The following ARHGAP39 variants were observed in gnomAD, a reference collection of about 807,000 sequenced individuals.
The protein encoded by ARHGAP39 is Rho GTPase activating protein 39.
In ARHGAP39, 44 loss-of-function variants were observed where a neutral mutation model predicts 106.9. That is an observed-to-expected ratio of 0.41 (90% confidence interval 0.32 to 0.53). The LOEUF (loss-of-function observed/expected upper bound fraction) is 0.53, where lower values mean the gene tolerates loss of function less well. Ranked by LOEUF, ARHGAP39 falls within the 20% of genes least tolerant of loss-of-function variation. ARHGAP39 has a pLI of 0.21. For missense variants in ARHGAP39, 1,496 were observed against 1,577.3 expected (o/e 0.95, Z 0.87); for synonymous variants, 768 against 693.2 (o/e 1.11, Z -1.69).
chr8:144,594,129 G>A (rs1263469345), intron 2 of ARHGAP39, among the ~76,000 whole-genome samples: 1 of 146,470 alleles, frequency 6.8e-6, no homozygotes, highest in Non-Finnish European at 1.5e-5. Context: ...CCAGTTTAAA[G>A]ATGGGCAAAA....
chr8:144,646,352 G>A lies in ARHGAP39; in HGVS notation c.-82+39334C>T, dbSNP rs766203130. On this transcript the variant is annotated intron_variant, in intron 1 of 11. Coordinates refer to ENST00000377307, the MANE Select transcript of ARHGAP39 (RefSeq NM_025251.3). This position sits in a 1 kb window ranked among gnomAD's most constrained non-coding sequence, Gnocchi z 5.7. ...GGTACTGGGAGTTGGCAGGAACAGAGAGCGGGAGGGGAGGGAGTGAAACTT... is the reference window on the plus strand; with the variant it reads ...GGTACTGGGAGTTGGCAGGAACAGAAAGCGGGAGGGGAGGGAGTGAAACTT... Among the ~76,000 whole-genome samples, 1 of 152,218 alleles carries A rather than the reference G, an allele frequency of 6.6e-6. No homozygotes were observed. The highest frequency in any genetic ancestry group is 1.5e-5 in the Non-Finnish European group (1 of 68,042).
At chr8:144,620,796 G>A (rs570010256) in intron 1 of ARHGAP39, among the ~76,000 whole-genome samples, 9 of 152,404 alleles carry the variant, frequency 5.9e-5, no homozygotes, top group Non-Finnish European at 1.3e-4. Flanking sequence ...CTACGTGTGA[G>A]AAGATGCTGG....
chr8:144,547,034 G>T lies in ARHGAP39; in HGVS notation c.1959+93C>A. 1.4e-6 allele frequency: 2 copies of T among 1,412,984 alleles called. No individual in the cohort carries two copies. The highest frequency in any genetic ancestry group is 1.9e-6 in the Non-Finnish European group (2 of 1,068,546). The allele number at this position is 1,412,984 out of a possible 1,614,324, so 87.5% of individuals were successfully genotyped here. On this transcript the variant is annotated intron_variant, in intron 5 of 11. Transcript: ENST00000377307. The surrounding 1 kb of genome is among the most constrained non-coding windows in gnomAD (Gnocchi z 5.2). ...ACTCTGCGTGCTGCGTGCACGCCCTGGACGCCAGGTCTCCTGTGCCTGGCC... is the reference window on the plus strand; with the variant it reads ...ACTCTGCGTGCTGCGTGCACGCCCTTGACGCCAGGTCTCCTGTGCCTGGCC...
At chr8:144,595,940 TCTATC>T (rs1819604391) in intron 2 of ARHGAP39, among the ~76,000 whole-genome samples, 1 of 152,110 alleles carries the variant, frequency 6.6e-6, no homozygotes, top group Non-Finnish European at 1.5e-5. Flanking sequence ...TGCTCCTCTT[TCTATC>T]CTTATAGTTC....
intron 4 of ARHGAP39, among the ~76,000 whole-genome samples, chr8:144,550,279 A>AAAGTAAAT (rs1166542415): frequency 6.6e-6 from 1 of 152,022 alleles, no homozygotes; most frequent in Non-Finnish European, 1.5e-5. Context: ...TGTCTAAAAA[A>AAAGTAAAT]AAGTAAATAA....
At chr8:144,629,321 G>A (rs963652701) in intron 1 of ARHGAP39, among the ~76,000 whole-genome samples, 2 of 152,194 alleles carry the variant, frequency 1.3e-5, no homozygotes, top group African/African-American at 2.4e-5. Flanking sequence ...AGGCTCTAGC[G>A]GGCCGAAGGC....
rs779367339 is a variant in ARHGAP39, at chr8:144,548,154, G to A, written c.932C>T (p.Pro311Leu). ...PSSPRYGYEPPLYEEPPVEYQ... is the reference protein window; with the variant it reads ...PSSPRYGYEPLLYEEPPVEYQ... ...CTCCACTGGGGGCTCCTCGTAGAGC[G>A]GGGGTTCATAGCCATAGCGCGGGGA... is the stretch of plus-strand genomic sequence containing the variant. Residue 311 changes from proline to leucine, a missense_variant, in exon 5 of 12, where the codon CCG becomes CTG. Pro to Leu is a moderately conservative substitution (Grantham distance 98). Transcript: ENST00000377307. This position sits in a 1 kb window ranked among gnomAD's most constrained non-coding sequence, Gnocchi z 7.4. 2 of 1,572,778 alleles carry A rather than the reference G, an allele frequency of 1.3e-6. No individual in the cohort carries two copies. Among genetic ancestry groups the A allele is most frequent in the East Asian group, 2.3e-5 (1 of 44,342 alleles).
rs1199590105 is a variant in ARHGAP39, at chr8:144,645,433, C to G, written c.-81-39738G>C. ...CTCCCGGCAGAGTCACTGATGGACTCCGTCAGGGCAGAGCCTCCCCGCCTC... is the reference window on the plus strand; with the variant it reads ...CTCCCGGCAGAGTCACTGATGGACTGCGTCAGGGCAGAGCCTCCCCGCCTC... On this transcript the variant is annotated intron_variant, in intron 1 of 11. Transcript: ENST00000377307. This position sits in a 1 kb window ranked among gnomAD's most constrained non-coding sequence, Gnocchi z 4.4. 6.6e-6 allele frequency among the ~76,000 whole-genome samples: 1 copy of G among 150,830 alleles called. No homozygotes were observed. Among genetic ancestry groups the G allele is most frequent in the Non-Finnish European group, 1.5e-5 (1 of 67,592 alleles).
the ARHGAP39 span, among the ~76,000 whole-genome samples, chr8:144,699,535 T>A: frequency 5.2e-5 from 5 of 95,592 alleles, no homozygotes; most frequent in East Asian, 1.5e-3. Context: ...CGAGGCCTCG[T>A]GAGGCGCTGT....
the ARHGAP39 span, among the ~76,000 whole-genome samples, chr8:144,697,241 C>T: frequency 1.0e-4 from 15 of 150,284 alleles, no homozygotes; most frequent in Admixed American, 4.0e-4. Context: ...GCAGGAGGAT[C>T]GCTTAAACCC....
rs1816541304 is a variant in ARHGAP39 at position 144,529,215 on chromosome 8, C to G, written c.*1207G>C. On this transcript the variant is annotated 3_prime_UTR_variant, in exon 12 of 12. Transcript: ENST00000377307. Reference sequence around the variant, plus strand: ...TGCACTTTATTCACTCGTGTCGTCGCCTCTCGGGTCCATGCGTCGGGGCGA... The same window carrying G: ...TGCACTTTATTCACTCGTGTCGTCGGCTCTCGGGTCCATGCGTCGGGGCGA... 1 of 288,430 alleles carries G rather than the reference C, an allele frequency of 3.5e-6. No individual in the cohort carries two copies. Among genetic ancestry groups the G allele is most frequent in the Non-Finnish European group, 6.4e-6 (1 of 156,426 alleles). 17.9% of individuals were successfully genotyped at this position (288,430 alleles called of 1,614,324 possible). A position where few individuals can be genotyped will look rare whatever the true frequency, so the allele number is the denominator to read the frequency against.
chr8:144,580,854 GTCC>G lies in ARHGAP39; in HGVS notation c.501_503del (p.Glu167del). ...GCTGCCCCCGCCCTCACCTGCCGCT[GTCC>G]TCCTTCACTGTCCCAAACGCCGCGG... On this transcript the variant is annotated inframe_deletion, in exon 3 of 12. Coordinates refer to ENST00000377307, the MANE Select transcript of ARHGAP39 (RefSeq NM_025251.3). 1 of 1,525,632 alleles carries G rather than the reference GTCC, an allele frequency of 6.6e-7. No homozygotes were observed. Among genetic ancestry groups the G allele is most frequent in the Non-Finnish European group, 8.8e-7 (1 of 1,138,022 alleles). The allele number at this position is 1,525,632 out of a possible 1,614,324, so 94.5% of individuals were successfully genotyped here. A position where few individuals can be genotyped will look rare whatever the true frequency, so the allele number is the denominator to read the frequency against.
chr8:144,651,946 T>C (rs1462011848), intron 1 of ARHGAP39, among the ~76,000 whole-genome samples: 1 of 151,990 alleles, frequency 6.6e-6, no homozygotes, highest in African/African-American at 2.4e-5. Context: ...GACTTAAATG[T>C]AAAACCCAAA....
At chr8:144,607,235 CAAAAA>C (rs1167793437) in intron 1 of ARHGAP39, among the ~76,000 whole-genome samples, 5 of 50,704 alleles carry the variant, frequency 9.9e-5, no homozygotes, top group East Asian at 6.9e-4. Context: ...GACATTGTCT[CAAAAA>C]AAAAAAAAAA....
At chr8:144,531,191 A>G (rs113022494) in intron 10 of ARHGAP39, among the ~76,000 whole-genome samples, 4,089 of 125,514 alleles carry the variant, frequency 0.033, 302 homozygotes, top group African/African-American at 0.086. Context: ...CACAGGGCAG[A>G]GAGCAGCAGG....
intron 1 of ARHGAP39, among the ~76,000 whole-genome samples, chr8:144,680,273 A>C (rs998133123): frequency 5.3e-5 from 8 of 152,318 alleles, no homozygotes; most frequent in African/African-American, 9.6e-5. Context: ...TTAAACTTCT[A>C]AAGCAAACTT....
At position 144,580,944 on chromosome 8, in the gene ARHGAP39, G is replaced by A; in HGVS notation, c.414C>T (p.Ser138=). Residue 138 remains serine (S), a synonymous_variant, in exon 3 of 12, where the codon TCC becomes TCT. Coordinates refer to ENST00000377307, the MANE Select transcript of ARHGAP39 (RefSeq NM_025251.3). ...CAGTGTCGGGCTCGGGCTCCAGGGA[G>A]GAGCTGGTGCTGCCCTCACGGCTGA... ...SSVSREGSTS[S]SLEPEPDTEK... 2.5e-6 allele frequency: 4 copies of A among 1,605,384 alleles called. No individual in the cohort carries two copies. Among genetic ancestry groups the A allele is most frequent in the South Asian group, 1.1e-5 (1 of 90,224 alleles).
chr8:144,607,114 ATAAG>A (rs901564983), intron 1 of ARHGAP39, among the ~76,000 whole-genome samples: 1 of 152,004 alleles, frequency 6.6e-6, no homozygotes, highest in Non-Finnish European at 1.5e-5. Context: ...ACTCCTACCA[ATAAG>A]TAAGGAAATC....
intron 1 of ARHGAP39, among the ~76,000 whole-genome samples, chr8:144,622,073 G>C (rs576855050): frequency 6.6e-6 from 1 of 152,152 alleles, no homozygotes; most frequent in Non-Finnish European, 1.5e-5. Context: ...AAGCAGGAAA[G>C]AAAAAGAGGA....
Sources: allele counts gnomAD v4.1 joint callset (sites outside exome capture counted in the v4.1 genomes callset), GRCh38; gene constraint gnomAD v4.1.1; non-coding constraint Gnocchi (gnomAD v3.1); transcripts MANE v1.5; gene names NCBI Gene and HGNC (gene_info 2026-07-23, HGNC 2026-07-21).